ZNF808: variants seen among roughly 807,000 people sequenced by gnomAD.
ZNF808 encodes the protein zinc finger protein 808.
ZNF808 carries 5 observed loss-of-function variants against 8.7 expected under a neutral mutation model. The ratio of observed to expected loss-of-function variants is 0.58; its 90% CI spans 0.30 to 1.21. The LOEUF is 1.21. Ranked by LOEUF, ZNF808 falls within the 50% of genes most tolerant of loss-of-function variation. ZNF808 has a pLI of 0.07. For synonymous variants in ZNF808, 380 were observed against 366.0 expected (o/e 1.04, Z -0.44); for missense variants, 1,103 against 1,098.4 (o/e 1.00, Z -0.06).
downstream of ZNF808, among the ~76,000 whole-genome samples, chr19:52,568,050 A>C (rs1427466588): frequency 6.6e-6 from 1 of 152,186 alleles, no homozygotes; most frequent in African/African-American, 2.4e-5. Context: ...ATGCAACCTG[A>C]GTCCGGTGGC....
intron 4 of ZNF808, among the ~76,000 whole-genome samples, chr19:52,549,877 T>C (rs1190541485): frequency 6.6e-6 from 1 of 152,124 alleles, no homozygotes; most frequent in African/African-American, 2.4e-5. Flanking sequence ...CTGGACAAAA[T>C]TATAGGAGGC....
At chr19:52,538,631 A>G (rs1371659738) in intron 2 of ZNF808, among the ~76,000 whole-genome samples, 1 of 145,954 alleles carries the variant, frequency 6.9e-6, no homozygotes, top group Non-Finnish European at 1.5e-5. Context: ...TCTGTCTCAA[A>G]AAAACCAAAA....
downstream of ZNF808, among the ~76,000 whole-genome samples, chr19:52,558,231 G>A (rs1452235716): frequency 2.7e-5 from 4 of 150,886 alleles, no homozygotes; most frequent in Non-Finnish European, 4.4e-5. Context: ...GACTACAGGC[G>A]CCCGCCACCG....
rs150462903 is a variant in ZNF808, at chr19:52,552,505, C to T, written c.191-602C>T. Among the ~76,000 whole-genome samples, 975 of 151,444 alleles carry T rather than the reference C, an allele frequency of 6.4e-3. 8 individuals are homozygous for T. The highest frequency in any genetic ancestry group is 0.021 in the African/African-American group (870 of 41,260). On this transcript the variant is annotated intron_variant, in intron 4 of 4. Coordinates refer to ENST00000359798, the MANE Select transcript of ZNF808 (RefSeq NM_001039886.4). ...TTGGCTCACTGCAACCTCTGCCTCC[C>T]GTGTTGAAGTGATTCTTGTGCCTCA...
At chr19:52,552,295 G>A (rs2059785049) in intron 4 of ZNF808, among the ~76,000 whole-genome samples, 1 of 152,032 alleles carries the variant, frequency 6.6e-6, no homozygotes, top group African/African-American at 2.4e-5. Flanking sequence ...GGGATTACAG[G>A]CATGAGCCAC....
downstream of ZNF808, among the ~76,000 whole-genome samples, chr19:52,560,459 C>T (rs374346337): frequency 7.4e-4 from 113 of 152,272 alleles, no homozygotes; most frequent in African/African-American, 2.6e-3. Flanking sequence ...TTCTTCACAT[C>T]CATGGTCTCT....
downstream of ZNF808, among the ~76,000 whole-genome samples, chr19:52,561,243 CTT>C (rs1367111860): frequency 9.1e-6 from 1 of 110,370 alleles, no homozygotes; most frequent in Non-Finnish European, 1.9e-5. Flanking sequence ...TATATATACA[CTT>C]TTTTTATTAT....
Position 52,554,468 on chromosome 19 carries a change from A to G in ZNF808, c.1552A>G (p.Asn518Asp). 6.2e-7 allele frequency: 1 copy of G among 1,614,206 alleles called. No individual in the cohort carries two copies. Among genetic ancestry groups the G allele is most frequent in the Non-Finnish European group, 8.5e-7 (1 of 1,180,034 alleles). Residue 518 changes from asparagine (N) to aspartate (D), a missense_variant, in exon 5 of 5, where the codon AAT (asparagine) becomes GAT (aspartate). Transcript: ENST00000359798. ...ACCTTACAAGTGTAATCAGTGTGGC[A>G]ATACCTTCCGTCACCGGGCATCCCT... The part of the protein sequence containing the change: ...EKPYKCNQCG[N>D]TFRHRASLVY...
chr19:52,559,298 G>A (rs1490645132), downstream of ZNF808, among the ~76,000 whole-genome samples: 5 of 152,118 alleles, frequency 3.3e-5, no homozygotes, highest in Non-Finnish European at 7.3e-5. Flanking sequence ...ACATGCTGGA[G>A]GCAGTACTGC....
chr19:52,556,288 C>CT lies in ZNF808; in HGVS notation c.*663dup. The CT allele has an allele frequency of 6.0e-6, 1 of 165,634 alleles. No homozygotes were observed. The highest frequency in any genetic ancestry group is 6.0e-5 in the Admixed American group (1 of 16,752). 10.3% of individuals were successfully genotyped at this position (165,634 alleles called of 1,614,324 possible). ...CACCATGGCCAACAGATGTCGGCCACTTTCGCCATCCTGTTTTTTGTTTCT... is the reference window on the plus strand; with the variant it reads ...CACCATGGCCAACAGATGTCGGCCACTTTTCGCCATCCTGTTTTTTGTTTCT... On this transcript the variant is annotated 3_prime_UTR_variant, in exon 5 of 5. Transcript: ENST00000359798.
intron 2 of ZNF808, among the ~76,000 whole-genome samples, chr19:52,536,357 G>A (rs1014279166): frequency 4.6e-5 from 7 of 152,052 alleles, no homozygotes; most frequent in African/African-American, 7.2e-5. Flanking sequence ...CCCGCGAGGT[G>A]GATTCCCGCC....
chr19:52,539,607 T>C (rs1409618273), intron 2 of ZNF808, among the ~76,000 whole-genome samples: 1 of 138,114 alleles, frequency 7.2e-6, no homozygotes, highest in South Asian at 2.3e-4. Context: ...CAGGGTGAAG[T>C]GCAATGGTGC....
intron 4 of ZNF808, 100 bp downstream of exon 4, chr19:52,547,738 G>GGT (rs374145105): frequency 0.028 from 35,539 of 1,254,024 alleles, 166 homozygotes; most frequent in East Asian, 0.075. Context: ...CATCCATGCT[G>GGT]GTTTTTTTTT....
intron 2 of ZNF808, among the ~76,000 whole-genome samples, chr19:52,540,056 C>T (rs1289685244): frequency 6.6e-6 from 1 of 151,880 alleles, no homozygotes; most frequent in African/African-American, 2.4e-5. Flanking sequence ...CTGTCACCCA[C>T]TCTGGAGTCT....
At chr19:52,558,152 C>A (rs1283166506), downstream of ZNF808, among the ~76,000 whole-genome samples, 3 of 143,636 alleles carry the variant, frequency 2.1e-5, no homozygotes, top group African/African-American at 7.8e-5. Flanking sequence ...GTGGCGCAAT[C>A]TCGGCTCACT....
rs368967533 is a variant in ZNF808 at position 52,553,370 on chromosome 19, A to C, written c.454A>C (p.Ile152Leu). The change falls in exon 5 of 5, where the codon ATT (isoleucine) becomes CTT (leucine). Residue 152 changes from isoleucine to leucine, a missense_variant. Transcript: ENST00000359798. ...HDHRHAGNKPIKDQLGSSFYS... is the reference protein window; with the variant it reads ...HDHRHAGNKPLKDQLGSSFYS... ...TCACAGGCATGCTGGAAACAAGCCT[A>C]TTAAAGATCAGCTTGGATCAAGCTT... 6.2e-7 allele frequency: 1 copy of C among 1,614,222 alleles called. No individual in the cohort carries two copies. Among genetic ancestry groups the C allele is most frequent in the Non-Finnish European group, 8.5e-7 (1 of 1,180,028 alleles).
intron 2 of ZNF808, among the ~76,000 whole-genome samples, chr19:52,535,330 C>CAAAA (rs560559835): frequency 1.6e-4 from 11 of 70,128 alleles, no homozygotes; most frequent in African/African-American, 4.7e-4. Flanking sequence ...GACTCCGTCT[C>CAAAA]AAAAAAAAAA....
At chr19:52,557,926 T>A (rs1474977985), downstream of ZNF808, among the ~76,000 whole-genome samples, 2 of 150,658 alleles carry the variant, frequency 1.3e-5, no homozygotes, top group Non-Finnish European at 3.0e-5. Flanking sequence ...TCCCTGCAAC[T>A]TGGCGATGAG....
intron 1 of ZNF808, among the ~76,000 whole-genome samples, chr19:52,530,163 C>T (rs1334770136): frequency 6.6e-6 from 1 of 152,008 alleles, no homozygotes; most frequent in Non-Finnish European, 1.5e-5. Context: ...TGGCTTCAAA[C>T]AATTCTACTG....
Sources: allele counts gnomAD v4.1 joint callset (sites outside exome capture counted in the v4.1 genomes callset), GRCh38; gene constraint gnomAD v4.1.1; transcripts MANE v1.5; gene names NCBI Gene and HGNC (gene_info 2026-07-23, HGNC 2026-07-21).